The following AGBL4 variants were observed in gnomAD, a reference collection of about 807,000 sequenced individuals.
AGBL4 encodes the protein AGBL carboxypeptidase 4, also known as cytosolic carboxypeptidase 6.
Under a neutral mutation model 66.4 loss-of-function variants are expected in AGBL4, and 58 were observed. That is an observed-to-expected ratio of 0.87 (90% CI 0.71 to 1.09). The LOEUF (loss-of-function observed/expected upper bound fraction) is 1.09. Ranked by LOEUF, AGBL4 falls within the 50% of genes least tolerant of loss-of-function variation. AGBL4 has a pLI of 0.00. For missense variants in AGBL4, 579 were observed against 631.0 expected (o/e 0.92, Z 0.88); for synonymous variants, 234 against 222.9 (o/e 1.05, Z -0.44).
chr1:49,464,134 G>A (rs1646575141), intron 3 of AGBL4, among the ~76,000 whole-genome samples: 1 of 151,720 alleles, frequency 6.6e-6, no homozygotes, highest in African/African-American at 2.4e-5. Context: ...GGAAACTGTG[G>A]AACTCTGCAA....
intron 3 of AGBL4, among the ~76,000 whole-genome samples, chr1:49,246,963 C>A (rs956752932): frequency 6.6e-6 from 1 of 151,960 alleles, no homozygotes; most frequent in African/African-American, 2.4e-5. Context: ...CTTTTTTAAA[C>A]ATTGGAAATA....
rs750768525 is a variant in AGBL4, at chr1:49,042,772, T to C, written c.594+2812A>G. ...AAAAGAAATAAACGTCTATCATGTT[T>C]AAGTTGTAATTTTATATATGTTATT... On this transcript the variant is annotated intron_variant, in intron 5 of 13. Coordinates refer to ENST00000371839, the MANE Select transcript of AGBL4 (RefSeq NM_032785.4). Among the ~76,000 whole-genome samples the C allele has an allele frequency of 2.0e-5, 3 of 152,342 alleles. No individual in the cohort carries two copies. The South Asian group carries it at 6.2e-4, about 32-fold the overall frequency.
intron 5 of AGBL4, among the ~76,000 whole-genome samples, chr1:48,945,568 G>A (rs1656425631): frequency 6.6e-6 from 1 of 152,128 alleles, no homozygotes; most frequent in East Asian, 1.9e-4. Flanking sequence ...ATAGAGTTGT[G>A]AGCATTAAGT....
intron 6 of AGBL4, among the ~76,000 whole-genome samples, chr1:48,775,296 T>C (rs1251230531): frequency 2.6e-5 from 4 of 152,056 alleles, no homozygotes; most frequent in Non-Finnish European, 5.9e-5. Flanking sequence ...CTCTTCAACT[T>C]CTGCAAACCG....
chr1:48,752,230 A>G (rs1440642421), intron 6 of AGBL4, among the ~76,000 whole-genome samples: 2 of 152,136 alleles, frequency 1.3e-5, no homozygotes, highest in Non-Finnish European at 2.9e-5. Context: ...ACTCCTGCTC[A>G]TTGTGAAAAT....
At chr1:48,598,876 T>C (rs1488513272) in intron 9 of AGBL4, among the ~76,000 whole-genome samples, 1 of 152,208 alleles carries the variant, frequency 6.6e-6, no homozygotes, top group Non-Finnish European at 1.5e-5. Flanking sequence ...TTTAAACTTT[T>C]TGACTCTTGT....
intron 5 of AGBL4, among the ~76,000 whole-genome samples, chr1:48,884,928 G>GAA (rs1558065431): frequency 1.6e-4 from 24 of 148,770 alleles, no homozygotes; most frequent in Non-Finnish European, 8.9e-5. Context: ...GAAAGAAAGA[G>GAA]AGAGAGCAAG....
At chr1:49,143,344 T>C (rs745697720) in intron 4 of AGBL4, among the ~76,000 whole-genome samples, 71 of 152,158 alleles carry the variant, frequency 4.7e-4, no homozygotes, top group Non-Finnish European at 9.1e-4. Flanking sequence ...AACTCAAGGG[T>C]TGCTGCAGCT....
chr1:49,337,640 C>T (rs1364056246), intron 3 of AGBL4, among the ~76,000 whole-genome samples: 4 of 152,174 alleles, frequency 2.6e-5, no homozygotes, highest in African/African-American at 9.7e-5. Flanking sequence ...GCTCTTCAAA[C>T]AGGAGGAAAA....
At chr1:48,820,290 C>G (rs572401076) in intron 6 of AGBL4, among the ~76,000 whole-genome samples, 46 of 152,202 alleles carry the variant, frequency 3.0e-4, no homozygotes, top group South Asian at 8.3e-4. Flanking sequence ...AGACCTATAA[C>G]TGGTACAGAA....
chr1:48,742,684 G>C, intron 6 of AGBL4: 1 of 1,611,456 alleles, frequency 6.2e-7, no homozygotes, highest in Non-Finnish European at 8.5e-7. Flanking sequence ...ATAGGACGAC[G>C]TATTTGCTTC....
intron 7 of AGBL4, among the ~76,000 whole-genome samples, chr1:48,656,434 T>C (rs1339676905): frequency 6.6e-6 from 1 of 152,210 alleles, no homozygotes; most frequent in Non-Finnish European, 1.5e-5. Flanking sequence ...CACACCAAAT[T>C]CTGGGCATTT....
chr1:49,479,864 C>T (rs1372157882), intron 3 of AGBL4, among the ~76,000 whole-genome samples: 1 of 151,762 alleles, frequency 6.6e-6, no homozygotes, highest in African/African-American at 2.4e-5. Flanking sequence ...CCCGCCACCA[C>T]GCCCGGCTAA....
chr1:49,536,900 G>A (rs1651633029), intron 3 of AGBL4, among the ~76,000 whole-genome samples: 6 of 151,936 alleles, frequency 3.9e-5, no homozygotes, highest in Admixed American at 2.6e-4. Flanking sequence ...GCCAGCCATC[G>A]GGAGGCTGAG....
At chr1:49,776,515 T>C (rs536419578) in intron 2 of AGBL4, among the ~76,000 whole-genome samples, 1 of 152,128 alleles carries the variant, frequency 6.6e-6, no homozygotes, top group Non-Finnish European at 1.5e-5. Context: ...TTCATCTTAG[T>C]CTACTGTTCC....
intron 11 of AGBL4, among the ~76,000 whole-genome samples, chr1:48,566,698 T>C (rs770947742): frequency 1.3e-5 from 2 of 152,212 alleles, no homozygotes; most frequent in African/African-American, 4.8e-5. Context: ...ATTCAATCAG[T>C]TGAAGGCCTG....
At chr1:49,399,946 G>A (rs967982658) in intron 3 of AGBL4, among the ~76,000 whole-genome samples, 1 of 151,920 alleles carries the variant, frequency 6.6e-6, no homozygotes, top group African/African-American at 2.4e-5. Context: ...GAGTTTACCC[G>A]ATTTTTTCTT....
intron 2 of AGBL4, among the ~76,000 whole-genome samples, chr1:49,847,764 C>T (rs1018470894): frequency 2.6e-5 from 4 of 151,288 alleles, no homozygotes; most frequent in South Asian, 2.1e-4. Context: ...GGCAGTGGCG[C>T]GATCTCGGCT....
chr1:48,811,502 G>T (rs1028587644), intron 6 of AGBL4, among the ~76,000 whole-genome samples: 1 of 152,114 alleles, frequency 6.6e-6, no homozygotes, highest in Non-Finnish European at 1.5e-5. Context: ...GATAATTAGG[G>T]TCTAAGATCT....
Sources: gnomAD v4.1 joint callset for allele counts (sites outside exome capture counted in the v4.1 genomes callset) on GRCh38, gnomAD v4.1.1 for gene constraint, MANE v1.5 for transcripts, NCBI Gene and HGNC (gene_info 2026-07-23, HGNC 2026-07-21) for gene names.